Variants in RANBP2 observed in about 807,000 individuals in gnomAD.
The protein encoded by RANBP2 is RAN binding protein 2.
A neutral mutation model predicts 303.6 loss-of-function variants in RANBP2; 57 were observed. The ratio of observed to expected loss-of-function variants is 0.19; its 90% CI spans 0.15 to 0.23. RANBP2 has a LOEUF of 0.23. RANBP2 is among the 10% of genes least tolerant of loss of function. The probability of loss-of-function intolerance (pLI) is 1.00; values close to 1 mark genes in which losing one functional copy is unlikely to be tolerated. For synonymous variants in RANBP2, 1,167 were observed against 1,301.5 expected (o/e 0.90, Z 2.23); for missense variants, 3,138 against 3,780.8 (o/e 0.83, Z 4.46).
chr2:109,669,234 A>T, the RANBP2 span, among the ~76,000 whole-genome samples: 1 of 152,344 alleles, frequency 6.6e-6, no homozygotes, highest in Non-Finnish European at 1.5e-5. Flanking sequence ...TAGAATAAAA[A>T]CATTGTGGAA....
At chr2:108,932,515 T>G in the RANBP2 span, among the ~76,000 whole-genome samples, 1 of 112,966 alleles carries the variant, frequency 8.9e-6, no homozygotes, top group Non-Finnish European at 1.6e-5. Context: ...GGCGACAGAG[T>G]GAGACTCTGT....
At chr2:109,378,773 C>G in the RANBP2 span, among the ~76,000 whole-genome samples, 1 of 152,182 alleles carries the variant, frequency 6.6e-6, no homozygotes, top group Non-Finnish European at 1.5e-5. Context: ...GGCTTCCACT[C>G]TGGAAGTTGG....
chr2:109,377,773 G>A, the RANBP2 span, among the ~76,000 whole-genome samples: 2 of 152,186 alleles, frequency 1.3e-5, no homozygotes, highest in African/African-American at 2.4e-5. Flanking sequence ...GGTTGATGCA[G>A]CAACATCAAG....
chr2:109,275,877 C>T, the RANBP2 span, among the ~76,000 whole-genome samples: 1 of 152,124 alleles, frequency 6.6e-6, no homozygotes, highest in African/African-American at 2.4e-5. Flanking sequence ...TTTTTTGAGT[C>T]CACTCTAGGT....
chr2:109,463,894 T>C, the RANBP2 span, among the ~76,000 whole-genome samples: 1 of 152,206 alleles, frequency 6.6e-6, no homozygotes, highest in African/African-American at 2.4e-5. Flanking sequence ...AGAGGTGGTA[T>C]AGACAGGGTA....
the RANBP2 span, among the ~76,000 whole-genome samples, chr2:109,582,110 A>ACACACACT: frequency 2.0e-3 from 265 of 134,964 alleles, 2 homozygotes; most frequent in South Asian, 4.4e-3. Context: ...ACACACACAC[A>ACACACACT]CACTCACTCT....
the RANBP2 span, among the ~76,000 whole-genome samples, chr2:109,180,506 A>T: frequency 6.6e-6 from 1 of 152,110 alleles, no homozygotes; most frequent in East Asian, 1.9e-4. Context: ...CTCATCTTGA[A>T]TTGTACTCTC....
chr2:109,123,324 T>TTCCC, the RANBP2 span, among the ~76,000 whole-genome samples: 1 of 24,188 alleles, frequency 4.1e-5, no homozygotes, highest in African/African-American at 1.1e-4. Context: ...CTTTCTTTCC[T>TTCCC]TCCTTCCTTC....
the RANBP2 span, among the ~76,000 whole-genome samples, chr2:109,066,922 A>G: frequency 6.6e-6 from 1 of 152,152 alleles, no homozygotes; most frequent in Non-Finnish European, 1.5e-5. Flanking sequence ...GTGCTCTGAC[A>G]ACAATATTAT....
At chr2:109,539,454 GCTT>G in the RANBP2 span, among the ~76,000 whole-genome samples, 13 of 151,988 alleles carry the variant, frequency 8.6e-5, no homozygotes, top group Non-Finnish European at 1.8e-4. Flanking sequence ...GGCAACCACA[GCTT>G]CTTGTTTTTT....
chr2:109,058,968 G>A, the RANBP2 span, among the ~76,000 whole-genome samples: 3 of 152,206 alleles, frequency 2.0e-5, no homozygotes, highest in Non-Finnish European at 4.4e-5. Flanking sequence ...GAAGTGGCGG[G>A]GAGACAGGAC....
At chr2:109,044,106 G>T in the RANBP2 span, among the ~76,000 whole-genome samples, 2 of 152,138 alleles carry the variant, frequency 1.3e-5, no homozygotes, top group Admixed American at 6.5e-5. Flanking sequence ...TTCCAACTGT[G>T]CTTAGAAGAC....
At chr2:109,534,831 A>G in the RANBP2 span, among the ~76,000 whole-genome samples, 3 of 151,736 alleles carry the variant, frequency 2.0e-5, no homozygotes, top group African/African-American at 7.3e-5. Context: ...TGTTTTAAGT[A>G]TTGCTATCAC....
chr2:108,961,377 G>T, the RANBP2 span, among the ~76,000 whole-genome samples: 1 of 152,140 alleles, frequency 6.6e-6, no homozygotes, highest in African/African-American at 2.4e-5. Context: ...AAGGGCATCT[G>T]GCACACCCAC....
At chr2:109,258,111 C>T in the RANBP2 span, among the ~76,000 whole-genome samples, 1 of 152,144 alleles carries the variant, frequency 6.6e-6, no homozygotes, top group South Asian at 2.1e-4. Context: ...CTTAACCGGC[C>T]CAGACATTGG....
At chr2:109,430,095 G>A in the RANBP2 span, among the ~76,000 whole-genome samples, 1 of 152,270 alleles carries the variant, frequency 6.6e-6, no homozygotes, top group East Asian at 1.9e-4. Flanking sequence ...AGCCTGCCTT[G>A]GCAGCTGATG....
rs183830746 is a variant in RANBP2, at chr2:108,729,233, A to T, written c.140+34A>T. 17,950 of 1,534,264 alleles carry T rather than the reference A, an allele frequency of 0.012. 648 individuals carry two copies. In the African/African-American group the frequency reaches 0.13, roughly 11 times the overall value. ...AAACTGTAACATGTATTTTTTTTTT[A>T]AAATCAATGCCTTTTCTCATTTTCT... On this transcript the variant is annotated intron_variant, in intron 2 of 28. Coordinates refer to ENST00000283195, the MANE Select transcript of RANBP2 (RefSeq NM_006267.5).
At chr2:108,994,817 TA>T in the RANBP2 span, among the ~76,000 whole-genome samples, 49 of 18,702 alleles carry the variant, frequency 2.6e-3, no homozygotes, top group African/African-American at 3.5e-3. Flanking sequence ...TATATATATA[TA>T]TATATATATA....
the RANBP2 span, among the ~76,000 whole-genome samples, chr2:109,203,646 C>T: frequency 6.6e-6 from 1 of 152,078 alleles, no homozygotes; most frequent in African/African-American, 2.4e-5. Context: ...CTCTGTGCAC[C>T]CCATGTGAGT....
Sources: gnomAD v4.1 joint callset for allele counts (sites outside exome capture counted in the v4.1 genomes callset) on GRCh38, gnomAD v4.1.1 for gene constraint, MANE v1.5 for transcripts, NCBI Gene and HGNC (gene_info 2026-07-23, HGNC 2026-07-21) for gene names.